The following CACNA1D variants were observed in gnomAD, a reference collection of about 807,000 sequenced individuals.
CACNA1D encodes voltage-dependent L-type calcium channel subunit alpha-1D.
CACNA1D carries 55 observed loss-of-function variants against 257.1 expected under a neutral mutation model. The observed-to-expected ratio is 0.21, with a 90% CI of 0.17 to 0.27. The LOEUF is 0.27. Ranked by LOEUF, CACNA1D falls within the 10% of genes least tolerant of loss-of-function variation. The pLI, the probability that CACNA1D is intolerant of heterozygous loss-of-function variation, is 1.00. For synonymous variants in CACNA1D, 980 were observed against 1,014.9 expected, an observed-to-expected ratio of 0.97 and a Z score of 0.65; for missense variants, 1,876 against 2,784.0, an observed-to-expected ratio of 0.67 and a Z score of 7.34.
chr3:53,796,916 G>A (rs2095510017), intron 40 of CACNA1D, among the ~76,000 whole-genome samples: 2 of 152,166 alleles, frequency 1.3e-5, no homozygotes, highest in Admixed American at 6.5e-5. Flanking sequence ...CTGCTGTGAT[G>A]TTAATGGAAT....
Position 53,723,850 on chromosome 3 carries a change from G to A in CACNA1D, c.1951G>A (p.Ala651Thr), listed in dbSNP as rs2094905800. The A allele has an allele frequency of 6.2e-7, 1 of 1,614,140 alleles. No individual in the cohort carries two copies. Among genetic ancestry groups the A allele is most frequent in the Non-Finnish European group, 8.5e-7 (1 of 1,180,010 alleles). ...ASLLNSMKSIASLLLLLFLFI... is the reference protein window; with the variant it reads ...ASLLNSMKSITSLLLLLFLFI... Reference sequence around the variant, plus strand: ...CTTATTAAACTCCATGAAGTCCATCGCTTCGCTGTTGCTTCTGCTTTTTCT... The same window carrying A: ...CTTATTAAACTCCATGAAGTCCATCACTTCGCTGTTGCTTCTGCTTTTTCT... Residue 651 changes from alanine to threonine, a missense_variant, in exon 14 of 48, where the codon GCT becomes ACT. Ala to Thr is a moderately conservative substitution (Grantham distance 58). Coordinates refer to ENST00000350061, the MANE Select transcript of CACNA1D (RefSeq NM_001128840.3). This position sits in a 1 kb window ranked among gnomAD's most constrained non-coding sequence, Gnocchi z 5.6.
At chr3:53,509,637 T>C (rs1345023789) in intron 3 of CACNA1D, among the ~76,000 whole-genome samples, 1 of 152,094 alleles carries the variant, frequency 6.6e-6, no homozygotes, top group East Asian at 1.9e-4. Context: ...TGCAGACTGC[T>C]CAGTGAGTGT....
At chr3:53,735,181 C>G (rs1233593054) in intron 19 of CACNA1D, among the ~76,000 whole-genome samples, 193 bp from the exon 20 acceptor site, 3 of 152,242 alleles carry the variant, frequency 2.0e-5, no homozygotes, top group Admixed American at 1.3e-4. Flanking sequence ...CACCCACAGT[C>G]CACAGGTTGC....
At chr3:53,799,816 A>G (rs1319587704) in intron 40 of CACNA1D, 1 of 274,788 alleles carries the variant, frequency 3.6e-6, no homozygotes, top group Non-Finnish European at 7.1e-6. Context: ...TCCTAGATGC[A>G]GCAAGGGAGT....
chr3:53,741,804 G>A (rs572140953), intron 21 of CACNA1D, among the ~76,000 whole-genome samples: 1 of 152,270 alleles, frequency 6.6e-6, no homozygotes, highest in East Asian at 1.9e-4. Flanking sequence ...GTTCTACTTA[G>A]TCTGTTAGCC....
rs1169585521 is a variant in CACNA1D at position 53,719,779 on chromosome 3, C to G, written c.1503C>G (p.Leu501=). Residue 501 remains leucine, a splice_region_variant and synonymous_variant, in exon 11 of 48, where the codon CTC becomes CTG. Coordinates refer to ENST00000350061, the MANE Select transcript of CACNA1D (RefSeq NM_001128840.3). ...SLCQAISKSK[L]SRRWRRWNRF... ...GTCAAGCCATCTCAAAATCCAAACTCAGGTCAGTATCTTCTTTCTGTTTCT... is the reference window on the plus strand; with the variant it reads ...GTCAAGCCATCTCAAAATCCAAACTGAGGTCAGTATCTTCTTTCTGTTTCT... The G allele has an allele frequency of 6.2e-7, 1 of 1,613,608 alleles. No homozygotes were observed. Among genetic ancestry groups the G allele is most frequent in the Non-Finnish European group, 8.5e-7 (1 of 1,179,580 alleles).
At chr3:53,633,509 A>G (rs924526668) in intron 3 of CACNA1D, among the ~76,000 whole-genome samples, 1 of 152,188 alleles carries the variant, frequency 6.6e-6, no homozygotes, top group Non-Finnish European at 1.5e-5. Flanking sequence ...CCAAGGTTAT[A>G]TAGCTTAGAC....
At chr3:53,736,785 G>A (rs2095061343) in intron 20 of CACNA1D, among the ~76,000 whole-genome samples, 1 of 152,044 alleles carries the variant, frequency 6.6e-6, no homozygotes, top group East Asian at 1.9e-4. Context: ...CTACTTGGGA[G>A]GCTGAGGTGG....
At chr3:53,552,077 C>T (rs542186339) in intron 3 of CACNA1D, among the ~76,000 whole-genome samples, 1 of 152,200 alleles carries the variant, frequency 6.6e-6, no homozygotes, top group Non-Finnish European at 1.5e-5. Flanking sequence ...GGGTGGATCC[C>T]ACTTGTACGG....
At chr3:53,561,456 G>C (rs753410619) in intron 3 of CACNA1D, among the ~76,000 whole-genome samples, 5 of 152,168 alleles carry the variant, frequency 3.3e-5, no homozygotes, top group Non-Finnish European at 5.9e-5. Flanking sequence ...AGCTGTGAGA[G>C]TTTTGTCAGT....
chr3:53,761,773 C>T (rs569490584), intron 29 of CACNA1D, among the ~76,000 whole-genome samples: 3 of 152,098 alleles, frequency 2.0e-5, no homozygotes, highest in African/African-American at 7.2e-5. Context: ...TGTATGCACA[C>T]GTGCGTGTGT....
intron 9 of CACNA1D, among the ~76,000 whole-genome samples, chr3:53,703,347 A>T (rs2094647592): frequency 6.6e-6 from 1 of 152,186 alleles, no homozygotes; most frequent in African/African-American, 2.4e-5. Context: ...GGGGCACGTG[A>T]GTCAGTGACA....
At chr3:53,596,130 C>G (rs758813604) in intron 3 of CACNA1D, among the ~76,000 whole-genome samples, 1 of 152,106 alleles carries the variant, frequency 6.6e-6, no homozygotes, top group Non-Finnish European at 1.5e-5. Flanking sequence ...TATCACAGTT[C>G]TCTTCTGGCT....
At position 53,743,086 on chromosome 3, in the gene CACNA1D, G is replaced by A; in HGVS notation, c.2887G>A (p.Val963Ile). The change falls in exon 22 of 48, where the codon GTT becomes ATT. Residue 963 changes from valine (V) to isoleucine (I), a missense_variant. By Grantham distance (29) the Val-to-Ile change is conservative. Coordinates refer to ENST00000350061, the MANE Select transcript of CACNA1D (RefSeq NM_001128840.3). The stretch of plus-strand genomic sequence containing the variant: ...CTTCAATTTGCTGGATATGCTGGTG[G>A]TTGGGGTGTCTCTGGTGTCATTTGG... The part of the protein sequence containing the change: ...NYFNLLDMLV[V>I]GVSLVSFGIQ... The A allele has an allele frequency of 6.2e-7, 1 of 1,613,760 alleles. No individual in the cohort carries two copies. The highest frequency in any genetic ancestry group is 8.5e-7 in the Non-Finnish European group (1 of 1,179,634).
chr3:53,582,124 C>A (rs1187443539), intron 3 of CACNA1D, among the ~76,000 whole-genome samples: 1 of 151,690 alleles, frequency 6.6e-6, no homozygotes, highest in African/African-American at 2.4e-5. Flanking sequence ...CCCTGTATTG[C>A]CCTGCCCTGC....
intron 3 of CACNA1D, among the ~76,000 whole-genome samples, chr3:53,525,038 C>T (rs937097044): frequency 6.6e-6 from 1 of 152,164 alleles, no homozygotes; most frequent in East Asian, 1.9e-4. Context: ...CCCTCACTCT[C>T]TCCTTCATGT....
intron 3 of CACNA1D, among the ~76,000 whole-genome samples, chr3:53,648,176 T>C (rs1257363275): frequency 6.6e-6 from 1 of 152,088 alleles, no homozygotes; most frequent in Admixed American, 6.6e-5. Flanking sequence ...TGAATATTGA[T>C]GGCAGCAAAA....
chr3:53,669,168 C>T (rs1007961924), intron 7 of CACNA1D, among the ~76,000 whole-genome samples: 1 of 152,364 alleles, frequency 6.6e-6, no homozygotes, highest in South Asian at 2.1e-4. Flanking sequence ...CTGTTGATTG[C>T]ATTTATTAGC....
chr3:53,556,816 A>G (rs1253852730), intron 3 of CACNA1D, among the ~76,000 whole-genome samples: 1 of 151,852 alleles, frequency 6.6e-6, no homozygotes, highest in Admixed American at 6.6e-5. Flanking sequence ...CCTGGGTTCA[A>G]GTGATTCTCC....
Sources: gnomAD v4.1 joint callset for allele counts (sites outside exome capture counted in the v4.1 genomes callset) on GRCh38, gnomAD v4.1.1 for gene constraint, Gnocchi (gnomAD v3.1) non-coding constraint, MANE v1.5 for transcripts, NCBI Gene and HGNC (gene_info 2026-07-23, HGNC 2026-07-21) for gene names.